The following DHX40 variants were observed in gnomAD, a reference collection of about 807,000 sequenced individuals.
DHX40 encodes probable ATP-dependent RNA helicase DHX40.
Under a neutral mutation model 89.6 loss-of-function variants are expected in DHX40, and 28 were observed. The ratio of observed to expected loss-of-function variants is 0.31; its 90% confidence interval spans 0.23 to 0.43. The LOEUF (loss-of-function observed/expected upper bound fraction) is 0.43, where lower values mean the gene tolerates loss of function less well. DHX40 is among the 20% of genes least tolerant of loss of function. The pLI is 1.00. For synonymous variants in DHX40, 226 were observed against 283.6 expected (o/e 0.80, Z 2.04); for missense variants, 457 against 844.0 (o/e 0.54, Z 5.68).
At chr17:59,588,657 T>G (rs1230670252) in intron 12 of DHX40, among the ~76,000 whole-genome samples, 2 of 151,890 alleles carry the variant, frequency 1.3e-5, no homozygotes, top group African/African-American at 2.4e-5. Flanking sequence ...TGTTAAGAGG[T>G]CTTTGCATAT....
At chr17:59,573,701 G>A in intron 4 of DHX40, 39 bp from the exon 5 acceptor site, 1 of 1,602,696 alleles carries the variant, frequency 6.2e-7, no homozygotes. Context: ...TGGCTGTTAA[G>A]TGTACTTGTG....
Position 59,570,597 on chromosome 17 carries a change from A to G in DHX40, c.360A>G (p.Glu120=). Residue 120 remains glutamate, a synonymous_variant, in exon 3 of 18, where the codon GAA becomes GAG. Coordinates refer to ENST00000251241, the MANE Select transcript of DHX40 (RefSeq NM_024612.5). ...TATCAGTTGCTCAGAGAGTAGCTGA[A>G]GAAATGAAATGCACTTTGGGATCCA... The part of the protein sequence containing the change: ...AAISVAQRVA[E]EMKCTLGSKV... 6.2e-7 allele frequency: 1 copy of G among 1,610,616 alleles called. No homozygotes were observed. The highest frequency in any genetic ancestry group is 8.5e-7 in the Non-Finnish European group (1 of 1,178,434).
At chr17:59,577,870 A>G (rs1317393899) in intron 8 of DHX40, among the ~76,000 whole-genome samples, 1 of 152,100 alleles carries the variant, frequency 6.6e-6, no homozygotes, top group African/African-American at 2.4e-5. Context: ...TACTCCCATT[A>G]TAAGCATATA....
At chr17:59,600,531 T>TA (rs2143351686) in intron 14 of DHX40, among the ~76,000 whole-genome samples, 1 of 152,220 alleles carries the variant, frequency 6.6e-6, no homozygotes, top group Non-Finnish European at 1.5e-5. Context: ...ATATATCTTA[T>TA]TTTGGTAAAA....
intron 12 of DHX40, among the ~76,000 whole-genome samples, chr17:59,595,480 T>G (rs2029977112): frequency 6.6e-6 from 1 of 150,656 alleles, no homozygotes; most frequent in Non-Finnish European, 1.5e-5. Context: ...CCAAAAAAAT[T>G]AAGAAAAAGT....
chr17:59,603,590 T>A (rs962656173), intron 15 of DHX40: 13 of 152,188 alleles, frequency 8.5e-5, no homozygotes, highest in Admixed American at 7.9e-4. Flanking sequence ...AAATAAGTAG[T>A]GATAGTAGCG....
intron 2 of DHX40, among the ~76,000 whole-genome samples, chr17:59,568,601 A>G (rs1435194689): frequency 6.6e-6 from 1 of 152,162 alleles, no homozygotes; most frequent in African/African-American, 2.4e-5. Context: ...AACAACAACA[A>G]TAAAATAGAG....
Position 59,570,238 on chromosome 17 carries a change from AAT to A in DHX40, c.281-272_281-271del, listed in dbSNP as rs1281826953. ...ATATATTAAATATATATTAGTATATAATATATATAATATATAAATATATATAA... is the reference window on the plus strand; with the variant it reads ...ATATATTAAATATATATTAGTATATAATATATAATATATAAATATATATAA... On this transcript the variant is annotated intron_variant, in intron 2 of 17. Coordinates refer to ENST00000251241, the MANE Select transcript of DHX40 (RefSeq NM_024612.5). Among the ~76,000 whole-genome samples the A allele has an allele frequency of 3.5e-3, 446 of 128,054 alleles. 8 individuals are homozygous for A. Among genetic ancestry groups the A allele is most frequent in the African/African-American group, 0.012 (414 of 33,272 alleles). 84.0% of individuals were successfully genotyped at this position (128,054 alleles called of 152,430 possible).
chr17:59,570,105 A>G (rs1372342560), intron 2 of DHX40, among the ~76,000 whole-genome samples: 1 of 130,158 alleles, frequency 7.7e-6, no homozygotes, highest in African/African-American at 3.0e-5. Flanking sequence ...AGTATATATT[A>G]TAATATATTA....
chr17:59,565,658 T>A lies in DHX40; in HGVS notation c.-14T>A, dbSNP rs1465334104. Reference sequence around the variant, plus strand: ...GATCGGTGGACGTGCTCGCCTCCACTCGGGGCCAGGTCTATGTCCCGGTTT... The same window carrying A: ...GATCGGTGGACGTGCTCGCCTCCACACGGGGCCAGGTCTATGTCCCGGTTT... On this transcript the variant is annotated 5_prime_UTR_variant, in exon 1 of 18. Coordinates refer to ENST00000251241, the MANE Select transcript of DHX40 (RefSeq NM_024612.5). 1 of 1,595,606 alleles carries A rather than the reference T, an allele frequency of 6.3e-7. No individual in the cohort carries two copies. Among genetic ancestry groups the A allele is most frequent in the East Asian group, 2.2e-5 (1 of 44,680 alleles).
At chr17:59,567,587 A>T (rs1252391526) in intron 2 of DHX40, among the ~76,000 whole-genome samples, 1 of 152,164 alleles carries the variant, frequency 6.6e-6, no homozygotes, top group Non-Finnish European at 1.5e-5. Context: ...CTATTTTATG[A>T]GACGATGGGT....
chr17:59,570,563 T>C lies in DHX40; in HGVS notation c.326T>C (p.Val109Ala). The change falls in exon 3 of 18, where the codon GTA (valine) becomes GCA (alanine). Residue 109 changes from valine to alanine, a missense_variant. Around this residue, in one of 9 missense-constraint regions of DHX40, gnomAD observed 61 missense variants for 100.4 expected, o/e 0.61. Transcript: ENST00000251241. ...ATTGGTGTAACTCAACCACGAAAAG[T>C]AGCTGCTATATCAGTTGCTCAGAGA... ...GMIGVTQPRK[V>A]AAISVAQRVA... 6.2e-7 allele frequency: 1 copy of C among 1,608,616 alleles called. No individual in the cohort carries two copies. The highest frequency in any genetic ancestry group is 8.5e-7 in the Non-Finnish European group (1 of 1,177,562).
intron 2 of DHX40, 43 bp downstream of exon 2, chr17:59,566,837 A>G: frequency 6.6e-7 from 1 of 1,518,208 alleles, no homozygotes; most frequent in South Asian, 1.3e-5. Flanking sequence ...TTTTAAAAAT[A>G]TCCTCTTTTT....
chr17:59,602,416 A>G (rs530816875), intron 14 of DHX40, 106 bp from the exon 15 acceptor site: 3 of 996,582 alleles, frequency 3.0e-6, no homozygotes, highest in Admixed American at 2.7e-5. Context: ...CTCTTAATCT[A>G]TGTTGGCCAG....
chr17:59,570,171 T>C (rs1406106489), intron 2 of DHX40, among the ~76,000 whole-genome samples: 3 of 125,480 alleles, frequency 2.4e-5, no homozygotes, highest in Non-Finnish European at 4.7e-5. Flanking sequence ...TAATATGTTA[T>C]ATATTAATAT....
intron 12 of DHX40, among the ~76,000 whole-genome samples, chr17:59,591,961 C>T (rs1015008444): frequency 2.6e-5 from 4 of 151,784 alleles, no homozygotes; most frequent in African/African-American, 7.3e-5. Flanking sequence ...CTTGACCTCC[C>T]GGGCTCAAGC....
At chr17:59,594,348 G>A (rs1353770607) in intron 12 of DHX40, among the ~76,000 whole-genome samples, 1 of 151,780 alleles carries the variant, frequency 6.6e-6, no homozygotes, top group African/African-American at 2.4e-5. Context: ...CCTCGGCAGG[G>A]GCAAGGTATT....
chr17:59,565,841 G>T, intron 1 of DHX40, 58 bp downstream of exon 1: 2 of 1,437,498 alleles, frequency 1.4e-6, no homozygotes, highest in South Asian at 1.2e-5. Flanking sequence ...GGGTTTTGGT[G>T]GGGGGATGAA....
At chr17:59,570,404 A>G (rs1239838405) in intron 2 of DHX40, 114 bp from the exon 3 acceptor site, 13 of 992,750 alleles carry the variant, frequency 1.3e-5, no homozygotes, top group Non-Finnish European at 1.8e-5. Flanking sequence ...AATTTGCGAG[A>G]TATTCTTTTG....
Sources: allele counts gnomAD v4.1 joint callset (sites outside exome capture counted in the v4.1 genomes callset), GRCh38; gene constraint gnomAD v4.1.1; regional missense constraint gnomAD v4.1.1; transcripts MANE v1.5; gene names NCBI Gene and HGNC (gene_info 2026-07-23, HGNC 2026-07-21).